PRR16: variants seen among roughly 807,000 people sequenced by gnomAD.
The protein encoded by PRR16 is proline rich 16, also known as protein Largen.
In PRR16, 6 loss-of-function variants were observed where a neutral mutation model predicts 18.2. The ratio of observed to expected loss-of-function variants is 0.33; its 90% CI spans 0.18 to 0.65. PRR16 has a LOEUF of 0.65. Ranked by LOEUF, PRR16 falls within the 30% of genes least tolerant of loss-of-function variation. The probability of loss-of-function intolerance (pLI) is 0.74; values close to 1 mark genes in which losing one functional copy is unlikely to be tolerated. For missense variants in PRR16, 412 were observed against 376.6 expected, an observed-to-expected ratio of 1.09 and a Z score of -0.78; for synonymous variants, 151 against 147.8, an observed-to-expected ratio of 1.02 and a Z score of -0.16.
intron 1 of PRR16, chr5:120,618,404 A>G (rs1020839840): frequency 3.4e-6 from 3 of 885,010 alleles, no homozygotes; most frequent in South Asian, 1.0e-4. Context: ...AACTATTTTT[A>G]GTTTTGAGAT....
the PRR16 span, among the ~76,000 whole-genome samples, chr5:120,751,489 A>G: frequency 6.6e-6 from 1 of 151,898 alleles, no homozygotes; most frequent in African/African-American, 2.4e-5. Context: ...CAGTGAGACC[A>G]TATCTCATTG....
chr5:120,734,395 T>A, the PRR16 span, among the ~76,000 whole-genome samples: 1 of 152,134 alleles, frequency 6.6e-6, no homozygotes, highest in African/African-American at 2.4e-5. Context: ...GTTTTTCTCA[T>A]TTATAATATG....
At chr5:120,479,888 A>T (rs780481316) in intron 1 of PRR16, among the ~76,000 whole-genome samples, 1 of 152,166 alleles carries the variant, frequency 6.6e-6, no homozygotes, top group Non-Finnish European at 1.5e-5. Context: ...CATTAGATGA[A>T]GTAAAAAAAA....
the PRR16 span, among the ~76,000 whole-genome samples, chr5:120,715,503 ATTC>A: frequency 1.3e-5 from 2 of 152,314 alleles, no homozygotes; most frequent in Admixed American, 6.5e-5. Context: ...TTTAATGATA[ATTC>A]TTCATATGTA....
chr5:120,507,055 G>C (rs1478812020), intron 1 of PRR16, among the ~76,000 whole-genome samples: 1 of 152,030 alleles, frequency 6.6e-6, no homozygotes, highest in Non-Finnish European at 1.5e-5. Flanking sequence ...GTAATACCAG[G>C]CTAAAGAAAT....
At chr5:120,523,612 T>A (rs892650450) in intron 1 of PRR16, among the ~76,000 whole-genome samples, 1 of 152,154 alleles carries the variant, frequency 6.6e-6, no homozygotes, top group Non-Finnish European at 1.5e-5. Context: ...TATTTTCAAG[T>A]TGAATTTTTT....
chr5:120,591,487 A>G (rs920565209), intron 1 of PRR16, among the ~76,000 whole-genome samples: 2 of 151,912 alleles, frequency 1.3e-5, no homozygotes, highest in African/African-American at 4.8e-5. Flanking sequence ...AAAGATGTAC[A>G]GTGTATCTGC....
intron 1 of PRR16, among the ~76,000 whole-genome samples, chr5:120,650,482 C>T (rs1755742479): frequency 1.4e-5 from 2 of 141,680 alleles, no homozygotes; most frequent in Non-Finnish European, 3.1e-5. Context: ...TCCCCCCTCC[C>T]CCCACTCCAC....
Position 120,651,251 on chromosome 5 carries a change from G to A in PRR16, c.160-34703G>A, listed in dbSNP as rs748559173. On this transcript the variant is annotated intron_variant, in intron 1 of 1. Coordinates refer to ENST00000407149, the MANE Select transcript of PRR16 (RefSeq NM_001300783.2). ...TAGCCCCTTGTCAGATGAGTAGGTT[G>A]CGAAAATGTTCTCCCATTCTGTAGG... is the stretch of plus-strand genomic sequence containing the variant. 1.1e-4 allele frequency among the ~76,000 whole-genome samples: 16 copies of A among 152,094 alleles called. No homozygotes were observed. In the South Asian group the frequency reaches 1.7e-3, roughly 16 times the overall value.
At chr5:120,479,786 T>C (rs978027564) in intron 1 of PRR16, among the ~76,000 whole-genome samples, 4 of 152,252 alleles carry the variant, frequency 2.6e-5, no homozygotes, top group African/African-American at 9.6e-5. Flanking sequence ...TCTAATAGTA[T>C]TCAAATTTGT....
chr5:120,531,071 G>T (rs1751535419), intron 1 of PRR16, among the ~76,000 whole-genome samples: 1 of 152,158 alleles, frequency 6.6e-6, no homozygotes, highest in Non-Finnish European at 1.5e-5. Flanking sequence ...CATTCTCATT[G>T]CTTAGCTTAA....
chr5:120,738,001 G>A, the PRR16 span, among the ~76,000 whole-genome samples: 11 of 151,938 alleles, frequency 7.2e-5, no homozygotes, highest in East Asian at 1.4e-3. Flanking sequence ...GACAAATTTC[G>A]GAGATCAATT....
chr5:120,778,103 C>T, the PRR16 span, among the ~76,000 whole-genome samples: 1 of 151,914 alleles, frequency 6.6e-6, no homozygotes, highest in African/African-American at 2.4e-5. Context: ...TGCCTAAAAC[C>T]TAAAATTAAT....
At chr5:120,640,437 C>T (rs1196884564) in intron 1 of PRR16, among the ~76,000 whole-genome samples, 1 of 152,118 alleles carries the variant, frequency 6.6e-6, no homozygotes, top group Non-Finnish European at 1.5e-5. Flanking sequence ...ACATGAGCCA[C>T]GCACACATAA....
At chr5:120,664,642 G>A (rs1203858890) in intron 1 of PRR16, among the ~76,000 whole-genome samples, 10 of 151,828 alleles carry the variant, frequency 6.6e-5, no homozygotes, top group African/African-American at 2.4e-4. Flanking sequence ...AGAGTGTGAT[G>A]TTCCCCTTCC....
chr5:120,592,863 T>C (rs879225312), intron 1 of PRR16, among the ~76,000 whole-genome samples: 5 of 152,162 alleles, frequency 3.3e-5, no homozygotes, highest in African/African-American at 1.2e-4. Flanking sequence ...ATTACTCTTT[T>C]TTTAGAGAAG....
At chr5:120,563,588 A>T (rs1266892198) in intron 1 of PRR16, among the ~76,000 whole-genome samples, 1 of 152,140 alleles carries the variant, frequency 6.6e-6, no homozygotes, top group Non-Finnish European at 1.5e-5. Context: ...AGGGATCTTC[A>T]TTCAGCTTGT....
intron 1 of PRR16, among the ~76,000 whole-genome samples, chr5:120,593,078 A>G (rs1005655905): frequency 3.3e-5 from 5 of 152,086 alleles, no homozygotes; most frequent in Admixed American, 2.6e-4. Flanking sequence ...ATCTCAAGGT[A>G]ACAACTTAAC....
At chr5:120,556,948 G>GA (rs75615628) in intron 1 of PRR16, among the ~76,000 whole-genome samples, 7,748 of 140,356 alleles carry the variant, frequency 0.055, 233 homozygotes, top group East Asian at 0.11. Flanking sequence ...ACTGCTACAT[G>GA]AAAAAAAAAA....
Sources: allele counts gnomAD v4.1 joint callset (sites outside exome capture counted in the v4.1 genomes callset), GRCh38; gene constraint gnomAD v4.1.1; transcripts MANE v1.5; gene names NCBI Gene and HGNC (gene_info 2026-07-23, HGNC 2026-07-21).